Variants in SLC25A30 observed in about 807,000 individuals in gnomAD.
SLC25A30 encodes the protein solute carrier family 25 member 30.
In SLC25A30, 29 loss-of-function variants were observed where a neutral mutation model predicts 42.7. The ratio of observed to expected loss-of-function variants is 0.68; its 90% CI spans 0.51 to 0.93. SLC25A30 has a LOEUF of 0.93. SLC25A30 is among the 40% of genes least tolerant of loss of function. The pLI, the probability that SLC25A30 is intolerant of heterozygous loss-of-function variation, is 0.00. For missense variants in SLC25A30, 300 were observed against 359.7 expected (o/e 0.83, Z 1.34); for synonymous variants, 124 against 131.0 (o/e 0.95, Z 0.37).
At chr13:45,407,835 C>T (rs748493045) in intron 3 of SLC25A30, among the ~76,000 whole-genome samples, 10 of 152,292 alleles carry the variant, frequency 6.6e-5, no homozygotes, top group Non-Finnish European at 8.8e-5. Flanking sequence ...CCCTTCTACC[C>T]GCTTCATGTA....
chr13:45,431,755 T>G, the SLC25A30 span, among the ~76,000 whole-genome samples: 1 of 152,102 alleles, frequency 6.6e-6, no homozygotes, highest in Admixed American at 6.6e-5. Flanking sequence ...GTGGCCTATT[T>G]GACACCTTCT....
At chr13:45,422,906 C>A (rs897230199), upstream of SLC25A30, among the ~76,000 whole-genome samples, 1 of 152,112 alleles carries the variant, frequency 6.6e-6, no homozygotes, top group African/African-American at 2.4e-5. Flanking sequence ...TCAGTTTGGA[C>A]ACCATGTCCT....
At chr13:45,424,633 G>GAAA in the SLC25A30 span, among the ~76,000 whole-genome samples, 10 of 22,124 alleles carry the variant, frequency 4.5e-4, no homozygotes, top group African/African-American at 2.1e-3. Context: ...ATATAAATAT[G>GAAA]TATATAAACA....
the SLC25A30 span, among the ~76,000 whole-genome samples, chr13:45,424,633 G>A: frequency 0.2 from 4,297 of 21,736 alleles, 836 homozygotes; most frequent in Middle Eastern, 0.25. Flanking sequence ...ATATAAATAT[G>A]TATATAAACA....
At chr13:45,400,016 A>T (rs929273640) in intron 7 of SLC25A30, among the ~76,000 whole-genome samples, 1 of 102,180 alleles carries the variant, frequency 9.8e-6, no homozygotes, top group East Asian at 3.4e-4. Context: ...ATGTATGATT[A>T]TATATATATA....
chr13:45,416,727 T>C (rs115487512), intron 1 of SLC25A30, among the ~76,000 whole-genome samples: 6,917 of 152,226 alleles, frequency 0.045, 335 homozygotes, highest in African/African-American at 0.12. Context: ...GCTAAGACCA[T>C]GACACTGCAC....
chr13:45,395,611 G>C lies in SLC25A30; in HGVS notation c.*363C>G. On this transcript the variant is annotated 3_prime_UTR_variant, in exon 10 of 10. Transcript: ENST00000519676. ...CCAGTGAGCTTTTCTAGAGCAGTCT[G>C]ATTCTCAGTCATGAGCTGAGATGCA... The C allele has an allele frequency of 8.7e-7, 1 of 1,147,110 alleles. No homozygotes were observed. The highest frequency in any genetic ancestry group is 1.7e-5 in the African/African-American group (1 of 59,886). The allele number at this position is 1,147,110 out of a possible 1,614,324, so 71.1% of individuals were successfully genotyped here. A position where few individuals can be genotyped will look rare whatever the true frequency, so the allele number is the denominator to read the frequency against.
intron 5 of SLC25A30, among the ~76,000 whole-genome samples, chr13:45,403,524 CA>C (rs1882199178): frequency 1.3e-5 from 2 of 151,818 alleles, no homozygotes; most frequent in South Asian, 4.1e-4. Context: ...TAGTTGCTTC[CA>C]AAAAAGGATT....
rs571721783 is a variant in SLC25A30, at chr13:45,407,392, G to T, written c.213-1415C>A. 3.3e-5 allele frequency among the ~76,000 whole-genome samples: 5 copies of T among 151,960 alleles called. No individual in the cohort carries two copies. In the East Asian group the frequency reaches 5.8e-4, roughly 18 times the overall value. On this transcript the variant is annotated intron_variant, in intron 3 of 9. Transcript: ENST00000519676. ...CCATCTAAAAAAAAAAATTGTGTGT[G>T]TGTGTTTGTGTGTGTGCAGCTAGGT... is the stretch of plus-strand genomic sequence containing the variant.
At chr13:45,426,088 A>C in the SLC25A30 span, among the ~76,000 whole-genome samples, 3 of 149,334 alleles carry the variant, frequency 2.0e-5, no homozygotes, top group Non-Finnish European at 4.4e-5. Flanking sequence ...ATATATTTTT[A>C]AATGTATATA....
intron 7 of SLC25A30, 60 bp downstream of exon 7, chr13:45,401,023 C>T: frequency 1.4e-6 from 2 of 1,430,206 alleles, no homozygotes; most frequent in Non-Finnish European, 1.9e-6. Context: ...GAATATAATA[C>T]TTTTATAATA....
the SLC25A30 span, among the ~76,000 whole-genome samples, chr13:45,424,842 A>C: frequency 1.8e-5 from 1 of 55,198 alleles, no homozygotes; most frequent in South Asian, 5.9e-4. Flanking sequence ...ATATATAAAA[A>C]TATATATAAA....
the SLC25A30 span, among the ~76,000 whole-genome samples, chr13:45,423,541 T>TATAAAAAAAAA: frequency 3.2e-5 from 3 of 92,636 alleles, no homozygotes; most frequent in African/African-American, 1.2e-4. Context: ...TATACAAATA[T>TATAAAAAAAAA]ATATAAATAC....
chr13:45,419,130 T>TAAA (rs374462224), upstream of SLC25A30, among the ~76,000 whole-genome samples: 1 of 90,514 alleles, frequency 1.1e-5, no homozygotes, highest in Admixed American at 1.2e-4. Context: ...TACTCCCTCT[T>TAAA]AAAAAAAAAA....
chr13:45,420,234 T>G (rs1380836631), upstream of SLC25A30: 1 of 152,204 alleles, frequency 6.6e-6, no homozygotes, highest in African/African-American at 2.4e-5. Flanking sequence ...CATTTCCTTC[T>G]CTTGTGTCTC....
At chr13:45,429,470 G>C in the SLC25A30 span, among the ~76,000 whole-genome samples, 81 of 152,136 alleles carry the variant, frequency 5.3e-4, 2 homozygotes, top group South Asian at 0.013. Context: ...TGAAAAATGG[G>C]GTTCAGGAAA....
rs776214790 is a variant in SLC25A30, at chr13:45,395,982, C to T, written c.868G>A (p.Asp290Asn). Residue 290 changes from aspartate to asparagine, a missense_variant, in exon 10 of 10, where the codon GAT becomes AAT. Asp to Asn is a conservative substitution (Grantham distance 23, BLOSUM62 1). Transcript: ENST00000519676. ...CATGCAGCCTTGGCTTGTCACAAAT[C>T]CAATTTCTTCAACTGCTCGTATGTC... The part of the protein sequence containing the change: ...FVTYEQLKKL[D>N]L The T allele has an allele frequency of 7.4e-6, 12 of 1,614,044 alleles. 1 individual carries two copies. Among genetic ancestry groups the T allele is most frequent in the Non-Finnish European group, 1.0e-5 (12 of 1,180,036 alleles).
the SLC25A30 span, among the ~76,000 whole-genome samples, chr13:45,425,299 C>T: frequency 1.1e-5 from 1 of 91,966 alleles, no homozygotes; most frequent in Non-Finnish European, 1.9e-5. Flanking sequence ...CGTATATATA[C>T]GTATATATAA....
chr13:45,423,260 G>A (rs191482909), upstream of SLC25A30, among the ~76,000 whole-genome samples: 3 of 151,892 alleles, frequency 2.0e-5, no homozygotes, highest in East Asian at 5.8e-4. Context: ...TGTAAGTCCT[G>A]CTAAAAAGTA....
Sources: allele counts gnomAD v4.1 joint callset (sites outside exome capture counted in the v4.1 genomes callset), GRCh38; gene constraint gnomAD v4.1.1; transcripts MANE v1.5; gene names NCBI Gene and HGNC (gene_info 2026-07-23, HGNC 2026-07-21).